The following MYO1B variants were observed in gnomAD, a reference collection of about 807,000 sequenced individuals.
MYO1B encodes the protein myosin IB.
A neutral mutation model predicts 159.7 loss-of-function variants in MYO1B; 72 were observed. That is an observed-to-expected ratio of 0.45 (90% CI 0.37 to 0.55). The LOEUF (loss-of-function observed/expected upper bound fraction) is 0.55. MYO1B is among the 20% of genes least tolerant of loss of function. The probability of loss-of-function intolerance (pLI) is 0.00; values close to 1 mark genes in which losing one functional copy is unlikely to be tolerated. For missense variants in MYO1B, 1,062 were observed against 1,364.8 expected (o/e 0.78, Z 3.50); for synonymous variants, 468 against 473.8 (o/e 0.99, Z 0.16).
Position 191,260,254 on chromosome 2 carries a change from C to CTTTTTTTTTTTTTTTTTTTTT in MYO1B, c.-10+14641_-10+14642insTTTTTTTTTTTTTTTTTTTTT, listed in dbSNP as rs57237733. Among the ~76,000 whole-genome samples, 598 of 60,944 alleles carry CTTTTTTTTTTTTTTTTTTTTT rather than the reference C, an allele frequency of 9.8e-3. 206 individuals are homozygous for CTTTTTTTTTTTTTTTTTTTTT. The highest frequency in any genetic ancestry group is 0.018 in the Non-Finnish European group (449 of 25,276). The allele number at this position is 60,944 out of a possible 152,430, so 40.0% of individuals were successfully genotyped here. On this transcript the variant is annotated intron_variant, in intron 1 of 30. Coordinates refer to ENST00000392318, the MANE Select transcript of MYO1B (RefSeq NM_001130158.3). ...TAATATTACTTTTTTCCCAGATAGGCTTTTTTTTTTTTTGAATTAAAGCTA... is the reference window on the plus strand; with the variant it reads ...TAATATTACTTTTTTCCCAGATAGGCTTTTTTTTTTTTTTTTTTTTTTTTTTTTTTTTTTGAATTAAAGCTA...
At chr2:191,360,276 C>A (rs996503189) in intron 7 of MYO1B, among the ~76,000 whole-genome samples, 3 of 152,120 alleles carry the variant, frequency 2.0e-5, no homozygotes, top group Non-Finnish European at 4.4e-5. Flanking sequence ...ACTAGGTAGA[C>A]TCATAATTGA....
At chr2:191,370,033 T>G (rs753578726) in intron 12 of MYO1B, among the ~76,000 whole-genome samples, 194 bp from the exon 13 acceptor site, 7 of 152,216 alleles carry the variant, frequency 4.6e-5, no homozygotes, top group Non-Finnish European at 7.3e-5. Context: ...TTTAAATATA[T>G]CACCTATTAT....
intron 7 of MYO1B, among the ~76,000 whole-genome samples, chr2:191,357,672 C>T (rs1693392335): frequency 6.6e-6 from 1 of 152,112 alleles, no homozygotes; most frequent in Non-Finnish European, 1.5e-5. Flanking sequence ...GAAGGCCGTG[C>T]CAATGTTCTG....
intron 6 of MYO1B, among the ~76,000 whole-genome samples, 173 bp from the exon 7 acceptor site, chr2:191,349,989 G>A (rs545246217): frequency 6.6e-6 from 1 of 152,234 alleles, no homozygotes; most frequent in East Asian, 1.9e-4. Context: ...TATTTAGTAT[G>A]AATTATTTAT....
In MYO1B at chr2:191,341,772, G is replaced by A. The variant is rs144425562; in HGVS notation, c.451+207G>A. Among the ~76,000 whole-genome samples the A allele has an allele frequency of 2.3e-4, 35 of 152,166 alleles. No homozygotes were observed. The East Asian group carries it at 6.4e-3, about 28-fold the overall frequency. ...AGAATAGTTTACTAATGTAAAATGGGCTTCCTCACTTAACAGTCACTTTTC... is the reference window on the plus strand; with the variant it reads ...AGAATAGTTTACTAATGTAAAATGGACTTCCTCACTTAACAGTCACTTTTC... On this transcript the variant is annotated intron_variant, in intron 5 of 30. Transcript: ENST00000392318.
intron 7 of MYO1B, among the ~76,000 whole-genome samples, chr2:191,360,025 A>G (rs1474485510): frequency 6.6e-6 from 1 of 152,210 alleles, no homozygotes; most frequent in Non-Finnish European, 1.5e-5. Flanking sequence ...TAAGACTTCA[A>G]GATATCCACA....
intron 22 of MYO1B, 21 bp downstream of exon 22, chr2:191,400,489 A>G: frequency 6.2e-7 from 1 of 1,613,342 alleles, no homozygotes; most frequent in Non-Finnish European, 8.5e-7. Context: ...GACCCCAAGG[A>G]AGGCGGTGGG....
intron 1 of MYO1B, chr2:191,247,959 T>TA (rs1685885990): frequency 2.0e-6 from 2 of 985,316 alleles, no homozygotes; most frequent in Non-Finnish European, 2.4e-6. Context: ...TGCACAGTTA[T>TA]GCAAAGCAAG....
intron 3 of MYO1B, among the ~76,000 whole-genome samples, chr2:191,302,404 T>C (rs974671726): frequency 6.6e-6 from 1 of 152,254 alleles, no homozygotes; most frequent in Non-Finnish European, 1.5e-5. Context: ...ACCTGTGTTA[T>C]GGCTGAGAGT....
rs369960156 is a variant in MYO1B at position 191,289,419 on chromosome 2, TA to T, written c.136-6690del. 6.7e-4 allele frequency among the ~76,000 whole-genome samples: 102 copies of T among 152,362 alleles called. 1 individual carries two copies. The East Asian group carries it at 0.013, about 19-fold the overall frequency. On this transcript the variant is annotated intron_variant, in intron 2 of 30. Coordinates refer to ENST00000392318, the MANE Select transcript of MYO1B (RefSeq NM_001130158.3). ...CTTTGTGCTCCTTTGTTATGGACAT[TA>T]AGATAGAGAATTTGTATCTATCTCT...
intron 3 of MYO1B, among the ~76,000 whole-genome samples, chr2:191,327,422 C>A (rs543124905): frequency 6.6e-6 from 1 of 152,200 alleles, no homozygotes; most frequent in South Asian, 2.1e-4. Flanking sequence ...TTATAAATTT[C>A]AAAGTGCTTG....
intron 1 of MYO1B, among the ~76,000 whole-genome samples, chr2:191,270,494 C>A (rs536682029): frequency 1.3e-5 from 2 of 152,206 alleles, no homozygotes; most frequent in South Asian, 4.1e-4. Flanking sequence ...GCACTTTACA[C>A]CATGCCAGCA....
Position 191,386,043 on chromosome 2 carries a change from C to T in MYO1B, c.1513C>T (p.Leu505=). 3 of 1,614,138 alleles carry T rather than the reference C, an allele frequency of 1.9e-6. No individual in the cohort carries two copies. Among genetic ancestry groups the T allele is most frequent in the Non-Finnish European group, 2.5e-6 (3 of 1,180,008 alleles). The part of the protein sequence containing the change: ...KCSRFLNDTS[L]PHSCFRIQHY... ...CTCTCGGTTCCTCAATGACACGTCT[C>T]TGCCTCACAGCTGCTTCAGGATCCA... The change falls in exon 16 of 31, where the codon CTG becomes TTG. Residue 505 remains leucine (L), a synonymous_variant. Transcript: ENST00000392318.
intron 1 of MYO1B, among the ~76,000 whole-genome samples, chr2:191,273,476 C>T (rs1357238196): frequency 6.6e-6 from 1 of 152,182 alleles, no homozygotes; most frequent in Non-Finnish European, 1.5e-5. Flanking sequence ...CTTCCTCTTC[C>T]TACCAACCCT....
chr2:191,418,030 G>A (rs1301990220), intron 30 of MYO1B, among the ~76,000 whole-genome samples: 1 of 152,138 alleles, frequency 6.6e-6, no homozygotes, highest in African/African-American at 2.4e-5. Flanking sequence ...TTTATAATGT[G>A]GCCACATGAA....
intron 2 of MYO1B, among the ~76,000 whole-genome samples, chr2:191,283,523 G>T (rs1688187253): frequency 1.3e-5 from 2 of 152,090 alleles, no homozygotes; most frequent in Non-Finnish European, 2.9e-5. Context: ...TTCCTTATTG[G>T]TACCAGCTGC....
At chr2:191,282,166 T>G (rs533462688) in intron 2 of MYO1B, among the ~76,000 whole-genome samples, 1 of 152,362 alleles carries the variant, frequency 6.6e-6, no homozygotes, top group African/African-American at 2.4e-5. Flanking sequence ...CCTGGGAATT[T>G]GGCGTAGATG....
At position 191,414,597 on chromosome 2, in the gene MYO1B, T is replaced by C. The variant is rs2271766; in HGVS notation, c.3087T>C (p.Val1029=). 3.2e-5 allele frequency: 51 copies of C among 1,613,784 alleles called. No individual in the cohort carries two copies. In the East Asian group the frequency reaches 1.1e-3, roughly 35 times the overall value. The change falls in exon 29 of 31, where the codon GTT becomes GTC. Residue 1029 remains valine, a synonymous_variant. Coordinates refer to ENST00000392318, the MANE Select transcript of MYO1B (RefSeq NM_001130158.3). ...AGTCTGGACAAATCAAGTCAGAGGT[T>C]CCATTGGTGGATGTGACCAAGGTAT... ...DQKSGQIKSE[V]PLVDVTKVSM...
At chr2:191,266,037 T>C (rs1687121517) in intron 1 of MYO1B, among the ~76,000 whole-genome samples, 1 of 152,104 alleles carries the variant, frequency 6.6e-6, no homozygotes, top group African/African-American at 2.4e-5. Flanking sequence ...CTCTCTGAAG[T>C]TGACCTGCCC....
Sources: allele counts gnomAD v4.1 joint callset (sites outside exome capture counted in the v4.1 genomes callset), GRCh38; gene constraint gnomAD v4.1.1; transcripts MANE v1.5; gene names NCBI Gene and HGNC (gene_info 2026-07-23, HGNC 2026-07-21).